The following SESN1 variants were observed in gnomAD, a reference collection of about 807,000 sequenced individuals.
SESN1 encodes the protein sestrin-1.
SESN1 carries 30 observed loss-of-function variants against 59.3 expected under a neutral mutation model. The ratio of observed to expected loss-of-function variants is 0.51; its 90% CI spans 0.38 to 0.69. The LOEUF (loss-of-function observed/expected upper bound fraction) is 0.69, where lower values mean the gene tolerates loss of function less well. Ranked by LOEUF, SESN1 falls within the 30% of genes least tolerant of loss-of-function variation. The probability of loss-of-function intolerance (pLI) is 0.00; values close to 1 mark genes in which losing one functional copy is unlikely to be tolerated. For synonymous variants in SESN1, 197 were observed against 219.9 expected (o/e 0.90, Z 0.92); for missense variants, 566 against 673.0 (o/e 0.84, Z 1.76).
intron 5 of SESN1, among the ~76,000 whole-genome samples, chr6:108,997,482 G>A (rs1481483042): frequency 3.3e-5 from 5 of 152,052 alleles, no homozygotes; most frequent in Non-Finnish European, 5.9e-5. Context: ...ATCAACCTTG[G>A]GAAAATTATT....
chr6:108,993,330 T>A (rs1779429807), intron 6 of SESN1, among the ~76,000 whole-genome samples: 1 of 152,160 alleles, frequency 6.6e-6, no homozygotes. Flanking sequence ...AAGAAAGAAA[T>A]CCCATGGGTT....
chr6:109,038,245 C>G (rs538973542), intron 1 of SESN1, among the ~76,000 whole-genome samples: 1 of 152,352 alleles, frequency 6.6e-6, no homozygotes, highest in Admixed American at 6.5e-5. Flanking sequence ...ATAATCCCAG[C>G]ACTTTGAGAG....
intron 1 of SESN1, among the ~76,000 whole-genome samples, chr6:109,030,810 G>A (rs997858156): frequency 1.3e-5 from 2 of 152,174 alleles, no homozygotes; most frequent in African/African-American, 4.8e-5. Context: ...AACCTTGTAA[G>A]ATGTATCTCA....
intron 1 of SESN1, among the ~76,000 whole-genome samples, chr6:109,046,477 G>A (rs1172732601): frequency 2.0e-5 from 3 of 148,708 alleles, no homozygotes; most frequent in East Asian, 2.0e-4. Context: ...CCAAAGTGCC[G>A]AGATTGCAGC....
At position 109,001,436 on chromosome 6, in the gene SESN1, G is replaced by T. The variant is rs779364145; in HGVS notation, c.398C>A (p.Ser133Tyr). 65 of 1,613,656 alleles carry T rather than the reference G, an allele frequency of 4.0e-5. No homozygotes were observed. The highest frequency in any genetic ancestry group is 5.4e-5 in the Non-Finnish European group (64 of 1,179,812). Residue 133 changes from serine to tyrosine, a missense_variant, in exon 3 of 10, where the codon TCT becomes TAT. By Grantham distance (144) the Ser-to-Tyr change is moderately radical (BLOSUM62 -2). Transcript: ENST00000436639. ...DAQMHALFADSFAALGRLDNI... is the reference protein window; with the variant it reads ...DAQMHALFADYFAALGRLDNI... ...ATCCAAACGGCCCAAAGCAGCAAAAGAATCTGCAAATAAAGCATGCATCTG... is the reference window on the plus strand; with the variant it reads ...ATCCAAACGGCCCAAAGCAGCAAAATAATCTGCAAATAAAGCATGCATCTG...
intron 1 of SESN1, among the ~76,000 whole-genome samples, chr6:109,066,712 C>G (rs1009057451): frequency 6.6e-6 from 1 of 152,200 alleles, no homozygotes. Context: ...GAATAACCAA[C>G]AGATATAAAT....
rs191658017 is a variant in SESN1, at chr6:109,069,742, G to A, written c.279+24053C>T. Among the ~76,000 whole-genome samples the A allele has an allele frequency of 3.4e-4, 50 of 147,938 alleles. No individual in the cohort carries two copies. The Middle Eastern group carries it at 0.017, about 51-fold the overall frequency. ...TTTTATTTTTTTGTTGAGATGGTGG[G>A]AGGGGGGGTCTCACTATGTTTCCCA... On this transcript the variant is annotated intron_variant, in intron 1 of 9. Transcript: ENST00000436639.
At chr6:109,014,629 GTTTGT>G (rs750546757) in intron 1 of SESN1, among the ~76,000 whole-genome samples, 21 of 152,092 alleles carry the variant, frequency 1.4e-4, no homozygotes, top group Admixed American at 8.5e-4. Flanking sequence ...TTTTTTGTTT[GTTTGT>G]TTTGTTTTGT....
intron 1 of SESN1, among the ~76,000 whole-genome samples, chr6:109,014,312 A>G (rs944001203): frequency 2.0e-5 from 3 of 152,248 alleles, no homozygotes; most frequent in African/African-American, 7.2e-5. Flanking sequence ...ACTCCTGTGT[A>G]TCAGACACAA....
chr6:109,050,878 A>C (rs1780529652), intron 1 of SESN1, among the ~76,000 whole-genome samples: 1 of 152,216 alleles, frequency 6.6e-6, no homozygotes, highest in South Asian at 2.1e-4. Flanking sequence ...AAAGGAAGGC[A>C]AGAAGGAACA....
At chr6:109,033,682 T>C (rs929574715) in intron 1 of SESN1, among the ~76,000 whole-genome samples, 1 of 152,196 alleles carries the variant, frequency 6.6e-6, no homozygotes, top group African/African-American at 2.4e-5. Context: ...CCATAATTCA[T>C]AGGACAGTTC....
rs576500640 is a variant in SESN1 at position 109,041,989 on chromosome 6, C to T, written c.280-39646G>A. Among the ~76,000 whole-genome samples the T allele has an allele frequency of 2.6e-5, 4 of 152,078 alleles. No homozygotes were observed. In the South Asian group the frequency reaches 8.3e-4, roughly 32 times the overall value. On this transcript the variant is annotated intron_variant, in intron 1 of 9. Coordinates refer to ENST00000436639, the MANE Select transcript of SESN1 (RefSeq NM_014454.3). ...TATATTTAAAAGAATGAAAATCATG[C>T]AAAGTATGTGTTCTCTGATCATAAC...
At chr6:109,040,314 A>C (rs971734644) in intron 1 of SESN1, among the ~76,000 whole-genome samples, 1 of 151,114 alleles carries the variant, frequency 6.6e-6, no homozygotes. Flanking sequence ...CAAATTATGC[A>C]GAAAAGTATT....
intron 4 of SESN1, chr6:109,000,231 T>C: frequency 3.5e-6 from 1 of 284,000 alleles, no homozygotes; most frequent in Non-Finnish European, 6.5e-6. Context: ...TGCGTGACAT[T>C]AGGCATTTGT....
Position 109,025,603 on chromosome 6 carries a change from T to C in SESN1, c.280-23260A>G, listed in dbSNP as rs184164299. Reference sequence around the variant, plus strand: ...ATGCTTTTTAAAACTTTAAAGGAAATAGAAAGTATGGGTGAGAAACAGGAA... The same window carrying C: ...ATGCTTTTTAAAACTTTAAAGGAAACAGAAAGTATGGGTGAGAAACAGGAA... On this transcript the variant is annotated intron_variant, in intron 1 of 9. Coordinates refer to ENST00000436639, the MANE Select transcript of SESN1 (RefSeq NM_014454.3). Among the ~76,000 whole-genome samples the C allele has an allele frequency of 1.5e-4, 22 of 149,158 alleles. No homozygotes were observed. In the East Asian group the frequency reaches 3.0e-3, roughly 20 times the overall value.
intron 1 of SESN1, among the ~76,000 whole-genome samples, chr6:109,024,281 T>A (rs1326730663): frequency 6.6e-6 from 1 of 152,164 alleles, no homozygotes; most frequent in East Asian, 1.9e-4. Flanking sequence ...CCATAGTAAC[T>A]TATTAGGGCA....
At chr6:109,072,657 A>G (rs567443265) in intron 1 of SESN1, among the ~76,000 whole-genome samples, 4 of 152,324 alleles carry the variant, frequency 2.6e-5, no homozygotes, top group African/African-American at 4.8e-5. Context: ...TAAAACAGTA[A>G]CTTTTGATTC....
intron 1 of SESN1, among the ~76,000 whole-genome samples, chr6:109,070,911 G>A (rs1780923229): frequency 6.6e-6 from 1 of 152,170 alleles, no homozygotes; most frequent in South Asian, 2.1e-4. Flanking sequence ...GCTACACCTT[G>A]AGTAGTAAGA....
intron 1 of SESN1, among the ~76,000 whole-genome samples, chr6:109,044,436 G>C (rs1780391804): frequency 7.0e-6 from 1 of 142,720 alleles, no homozygotes; most frequent in South Asian, 2.3e-4. Flanking sequence ...CATACGCAAA[G>C]AAAAGAAAGA....
Sources: allele counts gnomAD v4.1 joint callset (sites outside exome capture counted in the v4.1 genomes callset), GRCh38; gene constraint gnomAD v4.1.1; transcripts MANE v1.5; gene names NCBI Gene and HGNC (gene_info 2026-07-23, HGNC 2026-07-21).